The following RPAP2 variants were observed in gnomAD, a reference collection of about 807,000 sequenced individuals.
RPAP2 encodes putative RNA polymerase II subunit B1 CTD phosphatase RPAP2.
RPAP2 carries 52 observed loss-of-function variants against 73.1 expected under a neutral mutation model. The observed-to-expected ratio is 0.71, with a 90% CI of 0.57 to 0.90. RPAP2 has a LOEUF of 0.90. Among genes scored for constraint, RPAP2 ranks in the 40% least tolerant of loss-of-function variants. RPAP2 has a pLI of 0.00. For missense variants in RPAP2, 598 were observed against 701.8 expected (o/e 0.85, Z 1.67); for synonymous variants, 225 against 242.1 (o/e 0.93, Z 0.65).
At chr1:92,301,850 G>T (rs1357527442) in intron 3 of RPAP2, among the ~76,000 whole-genome samples, 1 of 152,164 alleles carries the variant, frequency 6.6e-6, no homozygotes, top group Non-Finnish European at 1.5e-5. Flanking sequence ...AATAAGAGTG[G>T]ATTTCAAATG....
In RPAP2 at chr1:92,301,583, T is replaced by A; in HGVS notation, c.227T>A (p.Met76Lys). The change falls in exon 3 of 13, where the codon ATG becomes AAG. Residue 76 changes from methionine to lysine, a missense_variant. Coordinates refer to ENST00000610020, the MANE Select transcript of RPAP2 (RefSeq NM_024813.3). ...LEENITEEFL[M>K]ECGRFITPAH... Reference sequence around the variant, plus strand: ...GAGAATATTACAGAAGAGTTCCTAATGGAGTGTGTATGTGTTAAGTTGACA... The same window carrying A: ...GAGAATATTACAGAAGAGTTCCTAAAGGAGTGTGTATGTGTTAAGTTGACA... 7.1e-7 allele frequency: 1 copy of A among 1,413,018 alleles called. No homozygotes were observed. The highest frequency in any genetic ancestry group is 9.7e-7 in the Non-Finnish European group (1 of 1,027,120). 87.5% of individuals were successfully genotyped at this position (1,413,018 alleles called of 1,614,324 possible).
chr1:92,352,119 C>T (rs907128964), intron 11 of RPAP2, among the ~76,000 whole-genome samples: 2 of 152,126 alleles, frequency 1.3e-5, no homozygotes, highest in African/African-American at 4.8e-5. Context: ...CTTTCAAGAC[C>T]ATCTCCAAAA....
chr1:92,385,249 G>T (rs1262976001), intron 12 of RPAP2, among the ~76,000 whole-genome samples: 3 of 151,572 alleles, frequency 2.0e-5, no homozygotes. Flanking sequence ...TTCTAAACCT[G>T]CTGTAATGAA....
intron 11 of RPAP2, among the ~76,000 whole-genome samples, chr1:92,377,148 T>C (rs1285835414): frequency 2.0e-5 from 3 of 152,152 alleles, no homozygotes; most frequent in Non-Finnish European, 2.9e-5. Flanking sequence ...TCAGCCCCAT[T>C]TTATAGATAG....
chr1:92,328,263 G>C (rs1464459201), intron 8 of RPAP2, among the ~76,000 whole-genome samples: 2 of 152,156 alleles, frequency 1.3e-5, no homozygotes, highest in African/African-American at 4.8e-5. Flanking sequence ...CAAACTTTTA[G>C]ATTTCTCTTC....
intron 10 of RPAP2, among the ~76,000 whole-genome samples, chr1:92,341,843 C>T (rs1041136229): frequency 2.0e-5 from 3 of 152,202 alleles, no homozygotes; most frequent in Non-Finnish European, 4.4e-5. Flanking sequence ...CAGGGTTTCA[C>T]CATGTTGGCC....
chr1:92,307,699 T>C (rs1279907155), intron 6 of RPAP2, among the ~76,000 whole-genome samples: 1 of 149,364 alleles, frequency 6.7e-6, no homozygotes, highest in Non-Finnish European at 1.5e-5. Context: ...CACTATTTTA[T>C]CAATTTAAAG....
chr1:92,323,340 A>T, intron 7 of RPAP2, 105 bp from the exon 8 acceptor site: 2 of 694,116 alleles, frequency 2.9e-6, no homozygotes, highest in Non-Finnish European at 4.4e-6. Context: ...TTCTACCTTG[A>T]AAGTTACAAT....
At chr1:92,305,873 G>T (rs1018658986) in intron 5 of RPAP2, among the ~76,000 whole-genome samples, 1 of 152,156 alleles carries the variant, frequency 6.6e-6, no homozygotes, top group Non-Finnish European at 1.5e-5. Flanking sequence ...TTGAGAAATG[G>T]CTTGGCATTT....
chr1:92,303,604 TTTAG>T lies in RPAP2; in HGVS notation c.235-369_235-366del, dbSNP rs145841883. Among the ~76,000 whole-genome samples the T allele has an allele frequency of 7.8e-3, 1,181 of 152,312 alleles. 15 individuals carry two copies. The highest frequency in any genetic ancestry group is 0.025 in the African/African-American group (1,038 of 41,572). On this transcript the variant is annotated intron_variant, in intron 3 of 12. Transcript: ENST00000610020. ...AAAATTATATTTTATTATTTTGTGA[TTTAG>T]TTAATTTTTTAAATAATACTTTTTC...
At chr1:92,313,711 C>G (rs1006281050) in intron 6 of RPAP2, among the ~76,000 whole-genome samples, 4 of 152,216 alleles carry the variant, frequency 2.6e-5, no homozygotes, top group African/African-American at 9.6e-5. Flanking sequence ...TACTTCTCCT[C>G]TATAGCTATG....
At position 92,387,786 on chromosome 1, in the gene RPAP2, G is replaced by A. The variant is rs1208654390; in HGVS notation, c.*775G>A. On this transcript the variant is annotated 3_prime_UTR_variant, in exon 13 of 13. Coordinates refer to ENST00000610020, the MANE Select transcript of RPAP2 (RefSeq NM_024813.3). ...GGGAGCTTAGTGGGCAAGGAGGTAG[G>A]GATATAATTTCTCTTCTTGGCTCCA... The A allele has an allele frequency of 6.6e-6, 1 of 152,116 alleles. No homozygotes were observed. Among genetic ancestry groups the A allele is most frequent in the Non-Finnish European group, 1.5e-5 (1 of 68,028 alleles). The allele number at this position is 152,116 out of a possible 1,614,324, so 9.4% of individuals were successfully genotyped here. A position where few individuals can be genotyped will look rare whatever the true frequency, so the allele number is the denominator to read the frequency against.
chr1:92,299,073 C>G lies in RPAP2; in HGVS notation c.-1C>G, dbSNP rs777868633. On this transcript the variant is annotated 5_prime_UTR_variant, in exon 1 of 13. Transcript: ENST00000610020. ...CCCCGTCCGGCAGACTACTCTCCCC[C>G]ATGGCGGACTTCGCTGGGCCGTCTT... 6.9e-5 allele frequency: 104 copies of G among 1,504,690 alleles called. No individual in the cohort carries two copies. Among genetic ancestry groups the G allele is most frequent in the Non-Finnish European group, 8.7e-5 (97 of 1,120,708 alleles). 93.2% of individuals were successfully genotyped at this position (1,504,690 alleles called of 1,614,324 possible).
intron 3 of RPAP2, among the ~76,000 whole-genome samples, chr1:92,303,650 G>T (rs1208269531): frequency 1.3e-5 from 2 of 152,062 alleles, no homozygotes; most frequent in Non-Finnish European, 1.5e-5. Context: ...AAAAGATACT[G>T]TTGTCATTTA....
In RPAP2 at chr1:92,388,619, G is replaced by C. The variant is rs575037879; in HGVS notation, c.*1608G>C. 1.3e-5 allele frequency: 2 copies of C among 152,254 alleles called. No individual in the cohort carries two copies. The highest frequency in any genetic ancestry group is 4.8e-5 in the African/African-American group (2 of 41,458). The allele number at this position is 152,254 out of a possible 1,614,324, so 9.4% of individuals were successfully genotyped here. ...CGGGGGATTTCCCTTTCCTAGCCAA[G>C]GGAAGCCGTGAGTGACTATACCTGG... On this transcript the variant is annotated 3_prime_UTR_variant, in exon 13 of 13. Transcript: ENST00000610020.
In RPAP2 at chr1:92,301,500, G is replaced by T; in HGVS notation, c.144G>T (p.Val48=). 1 of 1,592,466 alleles carries T rather than the reference G, an allele frequency of 6.3e-7. No homozygotes were observed. Among genetic ancestry groups the T allele is most frequent in the South Asian group, 1.2e-5 (1 of 86,946 alleles). Residue 48 remains valine, a synonymous_variant, in exon 3 of 13, where the codon GTG becomes GTT. Coordinates refer to ENST00000610020, the MANE Select transcript of RPAP2 (RefSeq NM_024813.3). Reference sequence around the variant, plus strand: ...GGAAAGCTGAACTAGAAGCAGCTGTGAGAAAGAAGATTGAATTTGAGAGAA... The same window carrying T: ...GGAAAGCTGAACTAGAAGCAGCTGTTAGAAAGAAGATTGAATTTGAGAGAA... The part of the protein sequence containing the change: ...SKRKAELEAA[V]RKKIEFERKA...
In RPAP2 at chr1:92,397,808, A is replaced by G. The variant is rs1014685026; in HGVS notation, c.*10797A>G. On this transcript the variant is annotated 3_prime_UTR_variant, in exon 13 of 13. Transcript: ENST00000610020. Reference sequence around the variant, plus strand: ...ATCTTGTAGTACCAGAAACTAAGCAAGTGCTCAAAAACAAAAGGATAGAAG... The same window carrying G: ...ATCTTGTAGTACCAGAAACTAAGCAGGTGCTCAAAAACAAAAGGATAGAAG... 1 of 152,254 alleles carries G rather than the reference A, an allele frequency of 6.6e-6. No homozygotes were observed. The highest frequency in any genetic ancestry group is 1.5e-5 in the Non-Finnish European group (1 of 68,048). The allele number at this position is 152,254 out of a possible 1,614,324, so 9.4% of individuals were successfully genotyped here. A position where few individuals can be genotyped will look rare whatever the true frequency, so the allele number is the denominator to read the frequency against.
intron 11 of RPAP2, among the ~76,000 whole-genome samples, chr1:92,357,849 A>G (rs1163888183): frequency 1.3e-5 from 2 of 152,228 alleles, no homozygotes; most frequent in East Asian, 3.8e-4. Flanking sequence ...TAAATTCTTT[A>G]ATGGCAGACA....
At chr1:92,325,700 C>G (rs1652583685) in intron 8 of RPAP2, among the ~76,000 whole-genome samples, 1 of 152,098 alleles carries the variant, frequency 6.6e-6, no homozygotes, top group South Asian at 2.1e-4. Flanking sequence ...TAGGTCATTA[C>G]AAGTAAACTA....
Sources: allele counts gnomAD v4.1 joint callset (sites outside exome capture counted in the v4.1 genomes callset), GRCh38; gene constraint gnomAD v4.1.1; transcripts MANE v1.5; gene names NCBI Gene and HGNC (gene_info 2026-07-23, HGNC 2026-07-21).